Variants in RNF182 observed in about 807,000 individuals in gnomAD.
RNF182 encodes the protein ring finger protein 182, also known as E3 ubiquitin-protein ligase RNF182.
In RNF182, 15 loss-of-function variants were observed where a neutral mutation model predicts 14.4. The observed-to-expected ratio is 1.04, with a 90% CI of 0.70 to 1.60. RNF182 has a LOEUF of 1.60. RNF182 is among the 40% of genes most tolerant of loss of function. The pLI, the probability that RNF182 is intolerant of heterozygous loss-of-function variation, is 0.00. For synonymous variants in RNF182, 128 were observed against 122.9 expected (o/e 1.04, Z -0.27); for missense variants, 268 against 294.8 (o/e 0.91, Z 0.67).
rs1355966490 is a variant in RNF182 at position 13,980,195 on chromosome 6, A to G, written c.*2332A>G. On this transcript the variant is annotated 3_prime_UTR_variant, in exon 3 of 3. Coordinates refer to ENST00000488300, the MANE Select transcript of RNF182 (RefSeq NM_152737.4). ...CCCATCACACTTTTAAAAGGCCTTC[A>G]TAGTTTTTTTATTTTATTTTATTTT... The G allele has an allele frequency of 2.8e-5, 3 of 107,068 alleles. No homozygotes were observed. Among genetic ancestry groups the G allele is most frequent in the Non-Finnish European group, 6.7e-5 (3 of 45,068 alleles). 6.6% of individuals were successfully genotyped at this position (107,068 alleles called of 1,614,324 possible).
At chr6:13,969,381 G>A (rs1760119279) in intron 1 of RNF182, among the ~76,000 whole-genome samples, 1 of 152,070 alleles carries the variant, frequency 6.6e-6, no homozygotes, top group South Asian at 2.1e-4. Flanking sequence ...GAGTAGTGGA[G>A]TATGTGATCA....
intron 1 of RNF182, among the ~76,000 whole-genome samples, chr6:13,933,728 T>TA (rs1399820058): frequency 6.6e-6 from 1 of 152,112 alleles, no homozygotes; most frequent in African/African-American, 2.4e-5. Flanking sequence ...TTTCAGCAGT[T>TA]AAAGTGAGGC....
chr6:13,933,846 C>T (rs902508653), intron 1 of RNF182, among the ~76,000 whole-genome samples: 1 of 151,946 alleles, frequency 6.6e-6, no homozygotes, highest in African/African-American at 2.4e-5. Context: ...GGTGAAACCC[C>T]GTCTCCACTA....
rs1760449449 is a variant in RNF182, at chr6:13,979,890, CTT to C, written c.*2029_*2030del. On this transcript the variant is annotated 3_prime_UTR_variant, in exon 3 of 3. Coordinates refer to ENST00000488300, the MANE Select transcript of RNF182 (RefSeq NM_152737.4). ...AGTTAATTTGGCTTTAGAGAGCAAT[CTT>C]TGTATGACACCAGAAAACTCTTCAT... The C allele has an allele frequency of 6.0e-6, 1 of 166,884 alleles. No individual in the cohort carries two copies. Among genetic ancestry groups the C allele is most frequent in the Admixed American group, 6.6e-5 (1 of 15,262 alleles). The allele number at this position is 166,884 out of a possible 1,614,324, so 10.3% of individuals were successfully genotyped here.
Position 13,977,164 on chromosome 6 carries a change from T to C in RNF182, c.45T>C (p.Ser15=). 1 of 1,614,164 alleles carries C rather than the reference T, an allele frequency of 6.2e-7. No homozygotes were observed. The highest frequency in any genetic ancestry group is 2.2e-5 in the East Asian group (1 of 44,880). Residue 15 remains serine (S), a synonymous_variant, in exon 3 of 3, where the codon TCT becomes TCC. Transcript: ENST00000488300. ...AAGACACTGCGGAGTCTCAGGCCTC[T>C]GATGAGCTGGAGTGCAAAATCTGTT... ...PPEDTAESQA[S]DELECKICYN... is the part of the protein sequence containing the mutation.
chr6:13,930,589 A>G (rs2113577716), intron 1 of RNF182, among the ~76,000 whole-genome samples: 1 of 152,296 alleles, frequency 6.6e-6, no homozygotes, highest in South Asian at 2.1e-4. Context: ...CTGTCTCCAT[A>G]GAAGAATGAT....
chr6:13,933,378 T>G (rs1251072568), intron 1 of RNF182, among the ~76,000 whole-genome samples: 1 of 152,048 alleles, frequency 6.6e-6, no homozygotes, highest in Non-Finnish European at 1.5e-5. Flanking sequence ...TAGCTGGGCA[T>G]GGTGGTACGC....
chr6:13,969,786 C>T (rs1760129221), intron 1 of RNF182, among the ~76,000 whole-genome samples: 1 of 152,094 alleles, frequency 6.6e-6, no homozygotes, highest in Non-Finnish European at 1.5e-5. Flanking sequence ...ATAGTCTTAT[C>T]CCCAGATGAC....
At chr6:13,949,208 A>G in intron 1 of RNF182, 1 of 794,850 alleles carries the variant, frequency 1.3e-6, no homozygotes, top group South Asian at 1.3e-5. Flanking sequence ...TGCCTCTCTT[A>G]TTTCTGCATT....
Position 13,941,945 on chromosome 6 carries a change from A to G in RNF182, c.-367+16922A>G, listed in dbSNP as rs905426759. ...ATTTATCATTTATTTTCATTCCTTC[A>G]TGTAAGTCTGTGTTTCCCTTTGGGA... On this transcript the variant is annotated intron_variant, in intron 1 of 2. Transcript: ENST00000488300. Among the ~76,000 whole-genome samples the G allele has an allele frequency of 2.8e-4, 43 of 152,048 alleles. 2 individuals are homozygous for G. Among genetic ancestry groups the G allele is most frequent in the Middle Eastern group, 3.2e-3 (1 of 316 alleles).
At chr6:13,940,034 C>G (rs1198295060) in intron 1 of RNF182, among the ~76,000 whole-genome samples, 1 of 152,104 alleles carries the variant, frequency 6.6e-6, no homozygotes, top group Non-Finnish European at 1.5e-5. Flanking sequence ...ATTGCTCTAT[C>G]TAGGACCTCA....
chr6:13,952,072 T>C (rs1759608410), intron 1 of RNF182, among the ~76,000 whole-genome samples: 1 of 151,950 alleles, frequency 6.6e-6, no homozygotes, highest in Non-Finnish European at 1.5e-5. Flanking sequence ...AGCAGACAGT[T>C]GCCCTGCAAG....
At chr6:13,957,367 A>C (rs893224251) in intron 1 of RNF182, among the ~76,000 whole-genome samples, 1 of 152,244 alleles carries the variant, frequency 6.6e-6, no homozygotes, top group Non-Finnish European at 1.5e-5. Context: ...AAATTCAATA[A>C]AATTTAATCT....
At chr6:13,942,057 A>G (rs1019723744) in intron 1 of RNF182, among the ~76,000 whole-genome samples, 3 of 152,068 alleles carry the variant, frequency 2.0e-5, no homozygotes, top group Admixed American at 1.3e-4. Flanking sequence ...TTTTTGAAGC[A>G]TATTTTTGCT....
Position 13,970,334 on chromosome 6 carries a change from A to G in RNF182, c.-366-3876A>G, listed in dbSNP as rs1436330699. On this transcript the variant is annotated intron_variant, in intron 1 of 2. Coordinates refer to ENST00000488300, the MANE Select transcript of RNF182 (RefSeq NM_152737.4). ...CCTGAGATAAAGTTTTTTAGCTCCC[A>G]TATGAGTGAGAACATGAGGTATTTG... is the stretch of plus-strand genomic sequence containing the variant. Among the ~76,000 whole-genome samples the G allele has an allele frequency of 5.9e-5, 9 of 152,206 alleles. No individual in the cohort carries two copies. The East Asian group carries it at 1.5e-3, about 26-fold the overall frequency.
At chr6:13,954,637 C>G (rs1759683706) in intron 1 of RNF182, among the ~76,000 whole-genome samples, 1 of 152,100 alleles carries the variant, frequency 6.6e-6, no homozygotes, top group Non-Finnish European at 1.5e-5. Flanking sequence ...ACAATTCTCC[C>G]TTACAGTGTG....
chr6:13,926,119 CAT>C (rs1758818494), intron 1 of RNF182, among the ~76,000 whole-genome samples: 2 of 152,000 alleles, frequency 1.3e-5, no homozygotes, highest in African/African-American at 2.4e-5. Context: ...TATGAGATGT[CAT>C]ATTGATAACT....
chr6:13,934,804 A>C (rs1759065599), intron 1 of RNF182, among the ~76,000 whole-genome samples: 1 of 152,246 alleles, frequency 6.6e-6, no homozygotes, highest in Admixed American at 6.5e-5. Flanking sequence ...AAATGAGTGG[A>C]TGAGTACCTT....
intron 1 of RNF182, among the ~76,000 whole-genome samples, chr6:13,935,602 A>G (rs906050901): frequency 1.3e-5 from 2 of 152,234 alleles, no homozygotes; most frequent in African/African-American, 4.8e-5. Flanking sequence ...ACAGGAAGTC[A>G]GAACATTTGA....
Sources: allele counts gnomAD v4.1 joint callset (sites outside exome capture counted in the v4.1 genomes callset), GRCh38; gene constraint gnomAD v4.1.1; transcripts MANE v1.5; gene names NCBI Gene and HGNC (gene_info 2026-07-23, HGNC 2026-07-21).